Variants in DGKB observed in about 807,000 individuals in gnomAD.
The protein encoded by DGKB is diacylglycerol kinase beta, also known as 90 kDa diacylglycerol kinase.
In DGKB, 67 loss-of-function variants were observed where a neutral mutation model predicts 114.3. The observed-to-expected ratio is 0.59, with a 90% CI of 0.48 to 0.72. The LOEUF is 0.72. Ranked by LOEUF, DGKB falls within the 30% of genes least tolerant of loss-of-function variation. DGKB has a pLI of 0.00. For synonymous variants in DGKB, 398 were observed against 323.1 expected, an observed-to-expected ratio of 1.23 and a Z score of -2.49; for missense variants, 907 against 975.2, an observed-to-expected ratio of 0.93 and a Z score of 0.93.
rs1800184122 is a variant in DGKB, at chr7:14,583,038, T to C, written c.1519+14A>G. On this transcript the variant is annotated intron_variant, in intron 18 of 25. Coordinates refer to ENST00000402815, the MANE Select transcript of DGKB (RefSeq NM_001350709.2). ...GCTCTCTCCCCAGCCATATTAAGTATGTGTCTGCATTACCTATGCAATCCA... is the reference window on the plus strand; with the variant it reads ...GCTCTCTCCCCAGCCATATTAAGTACGTGTCTGCATTACCTATGCAATCCA... 1 of 1,554,108 alleles carries C rather than the reference T, an allele frequency of 6.4e-7. No homozygotes were observed. The highest frequency in any genetic ancestry group is 8.9e-7 in the Non-Finnish European group (1 of 1,125,796).
chr7:14,407,671 G>T (rs1007736723), intron 21 of DGKB, among the ~76,000 whole-genome samples: 1 of 151,978 alleles, frequency 6.6e-6, no homozygotes, highest in Non-Finnish European at 1.5e-5. Flanking sequence ...TTAATAAGAG[G>T]TTTTTCTTTT....
At chr7:14,332,443 A>C (rs1025187046) in intron 23 of DGKB, among the ~76,000 whole-genome samples, 3 of 152,166 alleles carry the variant, frequency 2.0e-5, no homozygotes, top group African/African-American at 7.2e-5. Flanking sequence ...GGCTATGCAA[A>C]CACTATCAAG....
intron 23 of DGKB, among the ~76,000 whole-genome samples, chr7:14,197,134 C>A (rs1785143447): frequency 6.6e-6 from 1 of 151,986 alleles, no homozygotes; most frequent in African/African-American, 2.4e-5. Context: ...CGGGGGAAAC[C>A]AAAACCTCTT....
At chr7:14,192,678 T>C (rs1784474198) in intron 23 of DGKB, among the ~76,000 whole-genome samples, 1 of 152,136 alleles carries the variant, frequency 6.6e-6, no homozygotes, top group African/African-American at 2.4e-5. Flanking sequence ...GGAGGTGGTT[T>C]TGAGATGATC....
chr7:14,167,396 C>T (rs544396880), intron 25 of DGKB, among the ~76,000 whole-genome samples: 2 of 151,972 alleles, frequency 1.3e-5, no homozygotes, highest in South Asian at 2.1e-4. Context: ...TATCACAGAA[C>T]CCTGGAGGCA....
At chr7:14,208,319 G>T (rs1787164417) in intron 23 of DGKB, among the ~76,000 whole-genome samples, 1 of 151,904 alleles carries the variant, frequency 6.6e-6, no homozygotes, top group South Asian at 2.1e-4. Flanking sequence ...CTAGTATTCG[G>T]GTTTTTAAAC....
At chr7:14,426,145 C>T (rs1221634237) in intron 21 of DGKB, among the ~76,000 whole-genome samples, 1 of 152,120 alleles carries the variant, frequency 6.6e-6, no homozygotes, top group Non-Finnish European at 1.5e-5. Flanking sequence ...AAGCTAGTTT[C>T]ATGTGTAGTC....
intron 12 of DGKB, among the ~76,000 whole-genome samples, chr7:14,677,197 T>C (rs780369948): frequency 3.9e-5 from 6 of 151,900 alleles, no homozygotes; most frequent in Non-Finnish European, 8.8e-5. Context: ...GTTCTATGGA[T>C]GGAGTTAGGA....
At chr7:14,688,715 C>T (rs1476346037) in intron 9 of DGKB, among the ~76,000 whole-genome samples, 1 of 152,158 alleles carries the variant, frequency 6.6e-6, no homozygotes, top group Admixed American at 6.5e-5. Context: ...TTTTCCCCAA[C>T]TCTTAGTTGC....
chr7:14,385,438 T>C (rs1481029091), intron 21 of DGKB, among the ~76,000 whole-genome samples: 1 of 152,210 alleles, frequency 6.6e-6, no homozygotes, highest in Non-Finnish European at 1.5e-5. Flanking sequence ...GAAGATATCA[T>C]GGCAGAATCT....
intron 13 of DGKB, among the ~76,000 whole-genome samples, chr7:14,632,855 G>A (rs1354763709): frequency 4.0e-5 from 6 of 151,854 alleles, no homozygotes; most frequent in African/African-American, 1.4e-4. Flanking sequence ...TTCAATTAGA[G>A]CAGAAGCCCT....
At chr7:14,479,248 A>T (rs949612997) in intron 20 of DGKB, among the ~76,000 whole-genome samples, 2 of 152,162 alleles carry the variant, frequency 1.3e-5, no homozygotes, top group African/African-American at 4.8e-5. Flanking sequence ...GAATCTTGAA[A>T]ACACTAATCA....
At chr7:14,170,166 AAAGAAAG>A (rs1780738619) in intron 25 of DGKB, among the ~76,000 whole-genome samples, 3 of 108,964 alleles carry the variant, frequency 2.8e-5, no homozygotes, top group African/African-American at 1.3e-4. Context: ...AGAAAGAAAG[AAAGAAAG>A]AAAGAAAGAA....
At chr7:14,691,752 G>C (rs188973526) in intron 9 of DGKB, among the ~76,000 whole-genome samples, 6 of 151,652 alleles carry the variant, frequency 4.0e-5, no homozygotes, top group African/African-American at 7.3e-5. Flanking sequence ...GAGATGGGGT[G>C]GGGGGCGGAA....
intron 23 of DGKB, among the ~76,000 whole-genome samples, chr7:14,215,082 A>G (rs868771671): frequency 5.9e-5 from 9 of 152,322 alleles, no homozygotes; most frequent in Admixed American, 3.9e-4. Context: ...AAATGAACAG[A>G]CAAAAGCATG....
intron 21 of DGKB, among the ~76,000 whole-genome samples, chr7:14,449,088 A>T (rs1340353761): frequency 1.3e-5 from 2 of 152,114 alleles, no homozygotes; most frequent in East Asian, 3.9e-4. Flanking sequence ...TTCTCAAAGA[A>T]TCTATGTCTA....
intron 13 of DGKB, among the ~76,000 whole-genome samples, chr7:14,659,823 GA>G (rs912888065): frequency 1.3e-5 from 2 of 151,490 alleles, no homozygotes; most frequent in African/African-American, 4.8e-5. Context: ...TTTTCAAAGG[GA>G]ATGCTTCCAG....
chr7:14,393,278 C>G (rs1011454911), intron 21 of DGKB, among the ~76,000 whole-genome samples: 2 of 151,780 alleles, frequency 1.3e-5, no homozygotes, highest in African/African-American at 2.4e-5. Context: ...CGTGAGCCAC[C>G]GCGCCCGGTC....
At chr7:14,669,103 C>T (rs1262787851) in intron 13 of DGKB, among the ~76,000 whole-genome samples, 1 of 152,140 alleles carries the variant, frequency 6.6e-6, no homozygotes, top group Non-Finnish European at 1.5e-5. Context: ...CATCTTGCAC[C>T]ATCCTCACTC....
Sources: gnomAD v4.1 joint callset for allele counts (sites outside exome capture counted in the v4.1 genomes callset) on GRCh38, gnomAD v4.1.1 for gene constraint, MANE v1.5 for transcripts, NCBI Gene and HGNC (gene_info 2026-07-23, HGNC 2026-07-21) for gene names.